Variants in MALRD1 observed in about 807,000 individuals in gnomAD.
MALRD1 encodes the protein MAM and LDL-receptor class A domain-containing protein 1.
MALRD1 carries 247 observed loss-of-function variants against 242.1 expected under a neutral mutation model. That is an observed-to-expected ratio of 1.02 (90% CI 0.92 to 1.13). MALRD1 has a LOEUF of 1.13. MALRD1 is among the 50% of genes most tolerant of loss of function. The probability of loss-of-function intolerance (pLI) is 0.00; values close to 1 mark genes in which losing one functional copy is unlikely to be tolerated. For missense variants in MALRD1, 2,989 were observed against 2,533.1 expected (o/e 1.18, Z -3.86); for synonymous variants, 995 against 866.6 (o/e 1.15, Z -2.60).
At chr10:19,674,015 G>A (rs1354086487) in intron 36 of MALRD1, among the ~76,000 whole-genome samples, 1 of 152,042 alleles carries the variant, frequency 6.6e-6, no homozygotes, top group African/African-American at 2.4e-5. Flanking sequence ...AAAGAGATGG[G>A]GAAGAGATGA....
intron 33 of MALRD1, among the ~76,000 whole-genome samples, chr10:19,583,884 T>G (rs1837256358): frequency 6.6e-6 from 1 of 152,186 alleles, no homozygotes; most frequent in African/African-American, 2.4e-5. Flanking sequence ...AGCTATTGAT[T>G]ATTGCCACAA....
chr10:19,630,445 T>C (rs906524867), intron 36 of MALRD1, among the ~76,000 whole-genome samples: 4 of 152,182 alleles, frequency 2.6e-5, no homozygotes, highest in African/African-American at 9.6e-5. Context: ...GGGGGAATTC[T>C]AAGTTTGGAA....
intron 32 of MALRD1, among the ~76,000 whole-genome samples, chr10:19,532,040 T>A (rs1413507973): frequency 6.6e-6 from 1 of 152,188 alleles, no homozygotes; most frequent in African/African-American, 2.4e-5. Context: ...TCAAATATGG[T>A]CCTCTGTAAA....
At chr10:19,555,983 T>C (rs1446250797) in intron 32 of MALRD1, among the ~76,000 whole-genome samples, 1 of 152,158 alleles carries the variant, frequency 6.6e-6, no homozygotes, top group African/African-American at 2.4e-5. Flanking sequence ...TAATTGGCAT[T>C]GAAATTGATG....
chr10:19,359,514 A>G (rs1265018841), intron 26 of MALRD1, among the ~76,000 whole-genome samples: 1 of 152,106 alleles, frequency 6.6e-6, no homozygotes. Flanking sequence ...ACAGCACAGC[A>G]TTAGATGCAC....
chr10:19,172,636 A>G (rs1835062154), intron 13 of MALRD1, among the ~76,000 whole-genome samples: 1 of 151,386 alleles, frequency 6.6e-6, no homozygotes, highest in Non-Finnish European at 1.5e-5. Flanking sequence ...GTACCTCTTT[A>G]GGAGCATAGA....
intron 15 of MALRD1, 104 bp from the exon 16 acceptor site, chr10:19,204,204 C>A: frequency 1.3e-6 from 1 of 762,934 alleles, no homozygotes; most frequent in Non-Finnish European, 2.1e-6. Flanking sequence ...ATTTTAATTT[C>A]AGTTAGACAA....
chr10:19,397,826 G>C (rs952133297), intron 28 of MALRD1, among the ~76,000 whole-genome samples: 1 of 151,434 alleles, frequency 6.6e-6, no homozygotes, highest in African/African-American at 2.4e-5. Flanking sequence ...TTTATCTTTT[G>C]TCTTTTTGAT....
intron 2 of MALRD1, among the ~76,000 whole-genome samples, chr10:19,068,322 T>C (rs1000156261): frequency 9.2e-5 from 14 of 152,168 alleles, no homozygotes; most frequent in Admixed American, 3.3e-4. Context: ...GTTTTTTTTA[T>C]GCATATTTTT....
At chr10:19,603,787 A>G (rs902525900) in intron 34 of MALRD1, among the ~76,000 whole-genome samples, 2 of 152,086 alleles carry the variant, frequency 1.3e-5, no homozygotes, top group Admixed American at 1.3e-4. Context: ...CATGTCTGTT[A>G]TGGTGATCTG....
intron 28 of MALRD1, among the ~76,000 whole-genome samples, chr10:19,433,892 G>A (rs59986036): frequency 5.3e-5 from 8 of 151,300 alleles, no homozygotes; most frequent in African/African-American, 1.5e-4. Context: ...ACACACACGC[G>A]CACACACACA....
Position 19,209,472 on chromosome 10 carries a change from TACTC to T in MALRD1, c.2785_2788del (p.Leu929AlafsTer114). ...CAGGCTTTTCAAGACAGTGCTGCCT[TACTC>T]AGCCCAATCCTTAATGCCACTGATA... On this transcript the variant is annotated frameshift_variant, in exon 18 of 40. Transcript: ENST00000454679. LOFTEE classifies it high-confidence loss of function. 6.4e-7 allele frequency: 1 copy of T among 1,550,870 alleles called. No homozygotes were observed. Among genetic ancestry groups the T allele is most frequent in the Non-Finnish European group, 8.7e-7 (1 of 1,147,048 alleles).
chr10:19,225,158 A>G (rs561384521), intron 18 of MALRD1, among the ~76,000 whole-genome samples: 1 of 152,270 alleles, frequency 6.6e-6, no homozygotes, highest in South Asian at 2.1e-4. Context: ...TTATGGTACA[A>G]TGCCTTCTGT....
At chr10:19,627,038 A>G (rs896071987) in intron 36 of MALRD1, among the ~76,000 whole-genome samples, 2 of 152,160 alleles carry the variant, frequency 1.3e-5, no homozygotes, top group African/African-American at 4.8e-5. Context: ...AAAAGTCTAC[A>G]AATAGCTTAA....
At chr10:19,672,514 C>T (rs1032730852) in intron 36 of MALRD1, among the ~76,000 whole-genome samples, 1 of 151,270 alleles carries the variant, frequency 6.6e-6, no homozygotes, top group Non-Finnish European at 1.5e-5. Context: ...ACCTCTGCCT[C>T]CTGGGTTCAA....
intron 36 of MALRD1, among the ~76,000 whole-genome samples, chr10:19,650,576 G>C (rs1386364782): frequency 6.6e-6 from 1 of 152,152 alleles, no homozygotes; most frequent in Non-Finnish European, 1.5e-5. Context: ...AATATGTAGA[G>C]TAAGAGACAT....
At chr10:19,264,598 C>T (rs974902253) in intron 19 of MALRD1, among the ~76,000 whole-genome samples, 2 of 151,816 alleles carry the variant, frequency 1.3e-5, no homozygotes, top group African/African-American at 2.4e-5. Flanking sequence ...GGAGTACAGG[C>T]GCCCACCACC....
intron 9 of MALRD1, among the ~76,000 whole-genome samples, chr10:19,136,058 T>C (rs563358027): frequency 6.0e-4 from 92 of 152,356 alleles, no homozygotes; most frequent in African/African-American, 1.8e-3. Context: ...TTTTTATTCC[T>C]ATATTGTGTC....
intron 26 of MALRD1, 104 bp from the exon 27 acceptor site, chr10:19,387,424 A>G (rs1317830808): frequency 3.7e-6 from 5 of 1,350,072 alleles, no homozygotes; most frequent in Non-Finnish European, 5.0e-6. Flanking sequence ...TAAGAACAAT[A>G]TGTTCCTTTA....
Sources: gnomAD v4.1 joint callset for allele counts (sites outside exome capture counted in the v4.1 genomes callset) on GRCh38, gnomAD v4.1.1 for gene constraint, MANE v1.5 for transcripts, NCBI Gene and HGNC (gene_info 2026-07-23, HGNC 2026-07-21) for gene names.